Variants in COX10 observed in about 807,000 individuals in gnomAD.
COX10 encodes protoheme IX farnesyltransferase, mitochondrial.
Under a neutral mutation model 37.3 loss-of-function variants are expected in COX10, and 27 were observed. The ratio of observed to expected loss-of-function variants is 0.72; its 90% CI spans 0.53 to 1.00. The LOEUF is 1.00. COX10 is among the 50% of genes least tolerant of loss of function. The pLI is 0.00. For synonymous variants in COX10, 222 were observed against 229.1 expected, an observed-to-expected ratio of 0.97 and a Z score of 0.28; for missense variants, 475 against 563.2, an observed-to-expected ratio of 0.84 and a Z score of 1.59.
chr17:14,077,972 A>G (rs573779148), intron 3 of COX10, among the ~76,000 whole-genome samples: 1 of 151,766 alleles, frequency 6.6e-6, no homozygotes, highest in South Asian at 2.1e-4. Flanking sequence ...AATTCAAGGC[A>G]AAAGGAGGTA....
chr17:14,088,220 A>T (rs11650645), intron 3 of COX10, among the ~76,000 whole-genome samples: 23,078 of 152,108 alleles, frequency 0.15, 1,927 homozygotes, highest in Non-Finnish European at 0.19. Flanking sequence ...TTGCTATTTA[A>T]ATAATGAATG....
chr17:14,148,282 A>T (rs1944272387), intron 4 of COX10, among the ~76,000 whole-genome samples: 1 of 152,176 alleles, frequency 6.6e-6, no homozygotes, highest in South Asian at 2.1e-4. Flanking sequence ...AAGGAGTCTT[A>T]CTTAGTTTGT....
chr17:14,107,782 T>C (rs185124608), intron 4 of COX10, among the ~76,000 whole-genome samples: 43 of 152,272 alleles, frequency 2.8e-4, no homozygotes, highest in Middle Eastern at 3.4e-3. Context: ...ATCTCCTTAG[T>C]TTTTACAATA....
At position 14,101,030 on chromosome 17, in the gene COX10, G is replaced by A. The variant is rs372106109; in HGVS notation, c.500-1088G>A. Among the ~76,000 whole-genome samples, 61 of 152,194 alleles carry A rather than the reference G, an allele frequency of 4.0e-4. 4 individuals carry two copies. Among genetic ancestry groups the A allele is most frequent in the African/African-American group, 1.4e-3 (58 of 41,532 alleles). On this transcript the variant is annotated intron_variant, in intron 3 of 6. Transcript: ENST00000261643. ...TTCCAGACAATGCTAAATGTCCCCT[G>A]GGGGGCAAAACTACCCCTGGTTAAG...
intron 4 of COX10, among the ~76,000 whole-genome samples, 157 bp from the exon 5 acceptor site, chr17:14,159,719 TG>T (rs1905132680): frequency 6.6e-6 from 1 of 152,232 alleles, no homozygotes; most frequent in East Asian, 1.9e-4. Flanking sequence ...TTTGTTTGTT[TG>T]TTTTTTTGGA....
intron 4 of COX10, among the ~76,000 whole-genome samples, chr17:14,128,589 G>T (rs1916394991): frequency 6.6e-6 from 1 of 151,930 alleles, no homozygotes; most frequent in Non-Finnish European, 1.5e-5. Flanking sequence ...CATATAGTAG[G>T]GATTCCATAG....
At chr17:14,081,140 A>G (rs905318107) in intron 3 of COX10, among the ~76,000 whole-genome samples, 1 of 152,210 alleles carries the variant, frequency 6.6e-6, no homozygotes, top group Non-Finnish European at 1.5e-5. Flanking sequence ...TGACAGAGTT[A>G]ATTGCAACAG....
chr17:14,123,236 A>G (rs745329061), intron 4 of COX10, among the ~76,000 whole-genome samples: 1 of 152,162 alleles, frequency 6.6e-6, no homozygotes, highest in African/African-American at 2.4e-5. Context: ...AATTTCTTCT[A>G]TCATTAAACC....
At chr17:14,072,325 A>G (rs1915044195) in intron 1 of COX10, among the ~76,000 whole-genome samples, 1 of 152,080 alleles carries the variant, frequency 6.6e-6, no homozygotes, top group Admixed American at 6.5e-5. Flanking sequence ...GGTTCAAGCA[A>G]TTCTCCTGCC....
intron 5 of COX10, among the ~76,000 whole-genome samples, chr17:14,164,373 CTGAG>C (rs1173712061): frequency 6.6e-6 from 1 of 152,172 alleles, no homozygotes; most frequent in African/African-American, 2.4e-5. Context: ...ATTAGTATAC[CTGAG>C]TGTTTGTGCT....
At chr17:14,082,167 C>G (rs1466392472) in intron 3 of COX10, among the ~76,000 whole-genome samples, 1 of 152,078 alleles carries the variant, frequency 6.6e-6, no homozygotes, top group Admixed American at 6.5e-5. Context: ...GGGTATATCA[C>G]CTTTTAAGGA....
At chr17:14,206,335 G>C (rs1032496471) in intron 6 of COX10, among the ~76,000 whole-genome samples, 3 of 152,060 alleles carry the variant, frequency 2.0e-5, no homozygotes, top group Non-Finnish European at 4.4e-5. Flanking sequence ...GGGTCCCAGC[G>C]GGCGGAAATG....
intron 4 of COX10, among the ~76,000 whole-genome samples, chr17:14,122,965 A>G (rs1916261237): frequency 6.6e-6 from 1 of 152,210 alleles, no homozygotes. Flanking sequence ...AAGCCAGGTC[A>G]GCACTGGAAA....
chr17:14,191,866 A>T (rs1906211190), intron 5 of COX10, 123 bp from the exon 6 acceptor site: 8 of 966,724 alleles, frequency 8.3e-6, no homozygotes, highest in Non-Finnish European at 1.3e-5. Context: ...TCCAGGAATC[A>T]GCCAGATCAG....
chr17:14,120,832 G>C (rs1278723803), intron 4 of COX10, among the ~76,000 whole-genome samples: 1 of 152,206 alleles, frequency 6.6e-6, no homozygotes, highest in Admixed American at 6.6e-5. Flanking sequence ...ATTTGTGGAA[G>C]TTTGGCTTCT....
Position 14,104,818 on chromosome 17 carries a change from T to C in COX10, c.624+2576T>C, listed in dbSNP as rs1915856953. 2.6e-5 allele frequency among the ~76,000 whole-genome samples: 4 copies of C among 152,258 alleles called. No homozygotes were observed. The South Asian group carries it at 8.3e-4, about 32-fold the overall frequency. ...AGCTTCTGAATTATGAAGAAGTGAC[T>C]AGTGCATAAAGAGATTTGTGTAAGA... On this transcript the variant is annotated intron_variant, in intron 4 of 6. Coordinates refer to ENST00000261643, the MANE Select transcript of COX10 (RefSeq NM_001303.4).
chr17:14,123,368 CTT>C (rs1597509750), intron 4 of COX10, among the ~76,000 whole-genome samples: 1 of 152,152 alleles, frequency 6.6e-6, no homozygotes, highest in East Asian at 1.9e-4. Flanking sequence ...TGCTAAATCT[CTT>C]CTCAGCAGCA....
At chr17:14,144,092 C>G (rs1487562061) in intron 4 of COX10, among the ~76,000 whole-genome samples, 1 of 152,094 alleles carries the variant, frequency 6.6e-6, no homozygotes, top group Non-Finnish European at 1.5e-5. Context: ...TGGGAGTTCT[C>G]GGGTTGCTTA....
chr17:14,093,198 T>A (rs921976298), intron 3 of COX10, among the ~76,000 whole-genome samples: 1 of 152,218 alleles, frequency 6.6e-6, no homozygotes, highest in Non-Finnish European at 1.5e-5. Context: ...AGATCTTTTA[T>A]CAGAATTGAT....
Sources: allele counts gnomAD v4.1 joint callset (sites outside exome capture counted in the v4.1 genomes callset), GRCh38; gene constraint gnomAD v4.1.1; transcripts MANE v1.5; gene names NCBI Gene and HGNC (gene_info 2026-07-23, HGNC 2026-07-21).